Variants in ATRX observed in about 807,000 individuals in gnomAD.
The protein encoded by ATRX is ATRX chromatin remodeler.
Under a neutral mutation model 172.6 loss-of-function variants are expected in ATRX, and 12 were observed. The ratio of observed to expected loss-of-function variants is 0.07; its 90% CI spans 0.04 to 0.11. The LOEUF (loss-of-function observed/expected upper bound fraction) is 0.11, where lower values mean the gene tolerates loss of function less well. Ranked by LOEUF, ATRX falls within the 10% of genes least tolerant of loss-of-function variation. ATRX has a pLI of 1.00. For synonymous variants in ATRX, 674 were observed against 594.7 expected, an observed-to-expected ratio of 1.13 and a Z score of -1.94; for missense variants, 1,368 against 1,767.4, an observed-to-expected ratio of 0.77 and a Z score of 4.05.
In ATRX at chrX:77,612,863, G is replaced by A. The variant is rs1230469582; in HGVS notation, c.5566+3750C>T. Among the ~76,000 whole-genome samples, 3 of 111,586 alleles carry A rather than the reference G, an allele frequency of 2.7e-5. No individual in the cohort carries two copies. The East Asian group carries it at 8.4e-4, about 31-fold the overall frequency. On this transcript the variant is annotated intron_variant, in intron 22 of 34. Coordinates refer to ENST00000373344, the MANE Select transcript of ATRX (RefSeq NM_000489.6). ...ATACAGTATTTGCCTTTTTGTGTCT[G>A]ATATATTTCACTTAGCATTAATGTC...
chrX:77,585,001 A>C (rs2148063978), intron 27 of ATRX, among the ~76,000 whole-genome samples: 1 of 112,111 alleles, frequency 8.9e-6, no homozygotes, highest in Admixed American at 9.5e-5. Context: ...TGGACAAAAT[A>C]ATAATCATTT....
rs2148612060 is a variant in ATRX at position 77,683,351 on chromosome X, A to T, written c.1905T>A (p.Asp635Glu). The T allele has an allele frequency of 8.3e-7, 1 of 1,211,448 alleles. No individual in the cohort carries two copies. Among genetic ancestry groups the T allele is most frequent in the Non-Finnish European group, 1.1e-6 (1 of 895,357 alleles). Residue 635 changes from aspartate to glutamate, a missense_variant, in exon 9 of 35, where the codon GAT becomes GAA. Transcript: ENST00000373344. ...CTTCATTTTCAACCAAATGCTCATTATCACTGTTTTCCTGTCCAAGTCCAC... is the reference window on the plus strand; with the variant it reads ...CTTCATTTTCAACCAAATGCTCATTTTCACTGTTTTCCTGTCCAAGTCCAC... ...EKCGLGQENS[D>E]NEHLVENEVS... is the part of the protein sequence containing the mutation.
chrX:77,674,358 T>C (rs914666243), intron 10 of ATRX: 2 of 111,194 alleles, frequency 1.8e-5, no homozygotes, highest in Non-Finnish European at 3.8e-5. Flanking sequence ...TTAAACAAGT[T>C]AATAAATTGT....
chrX:77,548,979 A>G (rs2064351884), intron 30 of ATRX, among the ~76,000 whole-genome samples: 1 of 112,389 alleles, frequency 8.9e-6, no homozygotes, highest in African/African-American at 3.2e-5. Flanking sequence ...AGGGAAGTAT[A>G]AAAACATTTC....
intron 34 of ATRX, among the ~76,000 whole-genome samples, chrX:77,516,515 G>T (rs1180255998): frequency 3.6e-5 from 4 of 111,244 alleles, no homozygotes; most frequent in Non-Finnish European, 7.6e-5. Context: ...ATGATAAAGG[G>T]GTCAATTCAG....
intron 25 of ATRX, 58 bp downstream of exon 25, chrX:77,599,353 C>T (rs1041670963): frequency 1.0e-5 from 12 of 1,173,429 alleles, no homozygotes; most frequent in South Asian, 5.4e-5. Context: ...AAAGGACTAA[C>T]GACATGACAT....
At chrX:77,758,090 T>G (rs2075573733) in intron 1 of ATRX, among the ~76,000 whole-genome samples, 1 of 111,617 alleles carries the variant, frequency 9.0e-6, no homozygotes, top group South Asian at 3.7e-4. Flanking sequence ...AATGAAATAT[T>G]AAAAGTGTGA....
In ATRX at chrX:77,693,819, T is replaced by C; in HGVS notation, c.484+5A>G. On this transcript the variant is annotated splice_donor_5th_base_variant and intron_variant, in intron 6 of 34. Coordinates refer to ENST00000373344, the MANE Select transcript of ATRX (RefSeq NM_000489.6). ...AATTCATGTTTCATTTTCACTTGTA[T>C]TTACCTCCGCGTTTTTTGAGATTTT... is the stretch of plus-strand genomic sequence containing the variant. The C allele has an allele frequency of 8.4e-7, 1 of 1,189,142 alleles. No homozygotes were observed. Among genetic ancestry groups the C allele is most frequent in the Non-Finnish European group, 1.1e-6 (1 of 875,123 alleles).
At chrX:77,538,045 GA>G (rs781892165) in intron 30 of ATRX, among the ~76,000 whole-genome samples, 7 of 110,314 alleles carry the variant, frequency 6.3e-5, no homozygotes, top group Middle Eastern at 4.6e-3. Flanking sequence ...GGTGAGGGTT[GA>G]GGGGAGGGAG....
chrX:77,690,016 G>A (rs1390017755), intron 6 of ATRX, among the ~76,000 whole-genome samples: 2 of 111,853 alleles, frequency 1.8e-5, no homozygotes, highest in Non-Finnish European at 3.8e-5. Context: ...TTTCTGTTAG[G>A]TTTAAGGTCC....
At chrX:77,607,627 T>A (rs1316580284) in intron 22 of ATRX, among the ~76,000 whole-genome samples, 2 of 97,412 alleles carry the variant, frequency 2.1e-5, no homozygotes, top group Non-Finnish European at 4.0e-5. Flanking sequence ...GGCATGAGAA[T>A]CACTGAAACC....
Position 77,522,117 on chromosome X carries a change from G to A in ATRX, c.6975+146C>T, listed in dbSNP as rs45509291. The A allele has an allele frequency of 4.6e-3, 3,653 of 796,160 alleles. 76 individuals are homozygous for A. In the African/African-American group the frequency reaches 0.064, roughly 14 times the overall value. The allele number at this position is 796,160 out of a possible 1,213,427, so 65.6% of individuals were successfully genotyped here. A position where few individuals can be genotyped will look rare whatever the true frequency, so the allele number is the denominator to read the frequency against. On this transcript the variant is annotated intron_variant, in intron 32 of 34. Transcript: ENST00000373344. ...TACAACATCATGTTGGTTCAAAACG[G>A]TCAACAAATAAAACAAAAATTTATT...
At chrX:77,630,826 G>A (rs1557105296) in intron 19 of ATRX, among the ~76,000 whole-genome samples, 2 of 111,174 alleles carry the variant, frequency 1.8e-5, no homozygotes, top group African/African-American at 3.3e-5. Context: ...ATTAAGCAAT[G>A]AATACTTGGA....
intron 10 of ATRX, chrX:77,675,911 C>G (rs1259947681): frequency 2.1e-5 from 4 of 191,193 alleles, no homozygotes; most frequent in African/African-American, 1.2e-4. Flanking sequence ...GATTTACTTT[C>G]ATCAATAATC....
chrX:77,617,803 A>C (rs782291542), intron 21 of ATRX, among the ~76,000 whole-genome samples: 1 of 110,799 alleles, frequency 9.0e-6, no homozygotes, highest in South Asian at 3.9e-4. Context: ...TGCAGTCTTG[A>C]ATTCCTGGGC....
In ATRX at chrX:77,682,737, C is replaced by G. The variant is rs191682105; in HGVS notation, c.2519G>C (p.Arg840Thr). 1 of 1,209,516 alleles carries G rather than the reference C, an allele frequency of 8.3e-7. No individual in the cohort carries two copies. The highest frequency in any genetic ancestry group is 1.8e-5 in the South Asian group (1 of 56,807). The change falls in exon 9 of 35, where the codon AGA becomes ACA. Residue 840 changes from arginine (R) to threonine (T), a missense_variant. Coordinates refer to ENST00000373344, the MANE Select transcript of ATRX (RefSeq NM_000489.6). ...KIGAARTTKK[R>T]IPNTKDFDSS... ...GTCAAAATCTTTTGTATTTGGAATT[C>G]TTTTTTTGGTGGTTCTGGCAGCACC...
At chrX:77,688,670 T>C (rs2071714311) in intron 7 of ATRX, 148 bp downstream of exon 7, 1 of 493,284 alleles carries the variant, frequency 2.0e-6, no homozygotes, top group African/African-American at 2.3e-5. Context: ...ACACTTAGGC[T>C]TTGTACGTCT....
At chrX:77,722,784 G>A (rs1449786836) in intron 1 of ATRX, among the ~76,000 whole-genome samples, 4 of 111,637 alleles carry the variant, frequency 3.6e-5, no homozygotes, top group Admixed American at 1.9e-4. Context: ...ACAGTGTGGC[G>A]ATTCCTCAAG....
In ATRX at chrX:77,681,751, T is replaced by G. The variant is rs1225665090; in HGVS notation, c.3505A>C (p.Lys1169Gln). 54 of 1,200,356 alleles carry G rather than the reference T, an allele frequency of 4.5e-5. No homozygotes were observed. Among genetic ancestry groups the G allele is most frequent in the South Asian group, 5.6e-5 (3 of 53,897 alleles). ...EESSEDNKKK[K>Q]QRTSSKKKAV... ...TTCTTTTTAGATGAAGTTCTTTGCT[T>G]CTTCTTTTTATTATCTTCAGAACTT... is the stretch of plus-strand genomic sequence containing the variant. Residue 1169 changes from lysine to glutamine, a missense_variant, in exon 9 of 35, where the codon AAG (lysine) becomes CAG (glutamine). Physicochemically the swap from Lys to Gln is moderately conservative, Grantham distance 53. Coordinates refer to ENST00000373344, the MANE Select transcript of ATRX (RefSeq NM_000489.6).
Sources: gnomAD v4.1 joint callset for allele counts (sites outside exome capture counted in the v4.1 genomes callset) on GRCh38, gnomAD v4.1.1 for gene constraint, MANE v1.5 for transcripts, NCBI Gene and HGNC (gene_info 2026-07-23, HGNC 2026-07-21) for gene names.